NAALADL2: variants seen among roughly 807,000 people sequenced by gnomAD.
The protein encoded by NAALADL2 is N-acetylated alpha-linked acidic dipeptidase like 2.
NAALADL2 carries 76 observed loss-of-function variants against 87.2 expected under a neutral mutation model. That is an observed-to-expected ratio of 0.87 (90% CI 0.72 to 1.05). NAALADL2 has a LOEUF of 1.05. Among genes scored for constraint, NAALADL2 ranks in the 50% least tolerant of loss-of-function variants. The probability of loss-of-function intolerance (pLI) is 0.00; values close to 1 mark genes in which losing one functional copy is unlikely to be tolerated. For synonymous variants in NAALADL2, 354 were observed against 331.0 expected, an observed-to-expected ratio of 1.07 and a Z score of -0.75; for missense variants, 1,089 against 945.8, an observed-to-expected ratio of 1.15 and a Z score of -1.99.
chr3:174,450,869 CAAAAAAAAAAAA>C, intron 1 of NAALADL2, among the ~76,000 whole-genome samples: 1 of 74,888 alleles, frequency 1.3e-5, no homozygotes, highest in East Asian at 3.1e-4. Context: ...GACTCTGTCT[CAAAAAAAAAAAA>C]AAAAAAAAAA....
intron 2 of NAALADL2, among the ~76,000 whole-genome samples, chr3:174,563,175 A>G (rs1486986807): frequency 6.6e-6 from 1 of 151,840 alleles, no homozygotes; most frequent in East Asian, 1.9e-4. Flanking sequence ...TTATTTGAAG[A>G]TGAGTTTCTT....
At chr3:175,663,622 G>A (rs1732573447) in intron 11 of NAALADL2, among the ~76,000 whole-genome samples, 1 of 151,490 alleles carries the variant, frequency 6.6e-6, no homozygotes, top group Non-Finnish European at 1.5e-5. Flanking sequence ...TCATGAAAAA[G>A]AATAATGCAA....
intron 4 of NAALADL2, among the ~76,000 whole-genome samples, chr3:175,307,652 C>T (rs1285102708): frequency 6.6e-6 from 1 of 152,104 alleles, no homozygotes; most frequent in African/African-American, 2.4e-5. Context: ...CTTATTGAGT[C>T]TGATCAGCCC....
At chr3:175,656,721 A>ATGTGTGTG (rs373183644) in intron 11 of NAALADL2, among the ~76,000 whole-genome samples, 1 of 148,456 alleles carries the variant, frequency 6.7e-6, no homozygotes, top group Non-Finnish European at 1.5e-5. Context: ...GTGTGTGTGT[A>ATGTGTGTG]TGTGTGTGTG....
intron 9 of NAALADL2, among the ~76,000 whole-genome samples, chr3:175,477,976 C>T (rs150389906): frequency 2.6e-4 from 39 of 152,156 alleles, no homozygotes; most frequent in African/African-American, 4.3e-4. Context: ...TGTCTTCTCA[C>T]TCCGCTCTTG....
intron 4 of NAALADL2, among the ~76,000 whole-genome samples, chr3:175,301,030 C>G (rs1386146943): frequency 1.3e-5 from 2 of 152,094 alleles, no homozygotes; most frequent in African/African-American, 4.8e-5. Context: ...GCTGGGATTA[C>G]AGGCGTGAGC....
At chr3:175,356,576 A>AAATAATAATAATAATAATAATAAT (rs377522672) in intron 5 of NAALADL2, among the ~76,000 whole-genome samples, 20 of 131,732 alleles carry the variant, frequency 1.5e-4, no homozygotes, top group East Asian at 4.5e-4. Flanking sequence ...CCCTGTGTCA[A>AAATAATAATAATAATAATAATAAT]AATAATAATA....
At chr3:175,441,397 C>T (rs1581902768) in intron 5 of NAALADL2, among the ~76,000 whole-genome samples, 1 of 152,176 alleles carries the variant, frequency 6.6e-6, no homozygotes, top group East Asian at 1.9e-4. Flanking sequence ...CGAGCATATG[C>T]AGAATTTGGT....
intron 10 of NAALADL2, among the ~76,000 whole-genome samples, chr3:175,612,312 G>T (rs1483999472): frequency 1.3e-5 from 2 of 152,092 alleles, no homozygotes; most frequent in Non-Finnish European, 2.9e-5. Context: ...TACATATTGG[G>T]CTTAATATTT....
chr3:174,506,121 T>C (rs1282192946), intron 1 of NAALADL2, among the ~76,000 whole-genome samples: 2 of 152,058 alleles, frequency 1.3e-5, no homozygotes, highest in East Asian at 1.9e-4. Flanking sequence ...GAAGATATAA[T>C]CATATTTTAT....
intron 2 of NAALADL2, among the ~76,000 whole-genome samples, chr3:174,603,811 T>A (rs1190186248): frequency 1.3e-5 from 2 of 152,120 alleles, no homozygotes; most frequent in South Asian, 2.1e-4. Context: ...TTTTTAAAAA[T>A]TTTTTCTCTA....
At chr3:174,611,624 C>T (rs910638756) in intron 2 of NAALADL2, among the ~76,000 whole-genome samples, 1 of 152,136 alleles carries the variant, frequency 6.6e-6, no homozygotes, top group African/African-American at 2.4e-5. Context: ...CGGAGTCTTG[C>T]TCCATCACCC....
chr3:174,712,939 G>A (rs2108922230), intron 2 of NAALADL2, among the ~76,000 whole-genome samples: 1 of 152,188 alleles, frequency 6.6e-6, no homozygotes, highest in South Asian at 2.1e-4. Context: ...ATCTCCTAAT[G>A]CTATGCCTCC....
At chr3:175,560,821 C>G (rs760717471) in intron 9 of NAALADL2, among the ~76,000 whole-genome samples, 2 of 152,116 alleles carry the variant, frequency 1.3e-5, no homozygotes, top group African/African-American at 4.8e-5. Context: ...GGGCTTTCAC[C>G]ATGTTGGCCA....
intron 1 of NAALADL2, among the ~76,000 whole-genome samples, chr3:175,001,671 G>A (rs1236283104): frequency 6.6e-6 from 1 of 151,824 alleles, no homozygotes; most frequent in African/African-American, 2.4e-5. Context: ...TCAGTCTTGG[G>A]TGTTCATTTC....
chr3:175,472,954 A>G (rs375443032), intron 9 of NAALADL2, among the ~76,000 whole-genome samples: 1 of 152,258 alleles, frequency 6.6e-6, no homozygotes, highest in East Asian at 1.9e-4. Flanking sequence ...GTGGATTATA[A>G]GGTAGAAGAA....
At chr3:175,534,152 G>C (rs1734479765) in intron 9 of NAALADL2, among the ~76,000 whole-genome samples, 1 of 150,474 alleles carries the variant, frequency 6.6e-6, no homozygotes, top group African/African-American at 2.5e-5. Flanking sequence ...ATCATATTAA[G>C]CAGCCAATCA....
chr3:174,935,597 C>T (rs973486516), intron 1 of NAALADL2, among the ~76,000 whole-genome samples: 1 of 152,038 alleles, frequency 6.6e-6, no homozygotes, highest in Non-Finnish European at 1.5e-5. Flanking sequence ...TACAGACAGA[C>T]ACACACTAAG....
At chr3:175,210,459 T>C (rs539300428) in intron 2 of NAALADL2, among the ~76,000 whole-genome samples, 4 of 151,804 alleles carry the variant, frequency 2.6e-5, no homozygotes, top group African/African-American at 9.7e-5. Context: ...TGTATGTACA[T>C]GTTTATGTGT....
Sources: allele counts gnomAD v4.1 joint callset (sites outside exome capture counted in the v4.1 genomes callset), GRCh38; gene constraint gnomAD v4.1.1; transcripts MANE v1.5; gene names NCBI Gene and HGNC (gene_info 2026-07-23, HGNC 2026-07-21).